Variants in CMYA5 observed in about 807,000 individuals in gnomAD.
The protein encoded by CMYA5 is cardiomyopathy-associated protein 5.
Under a neutral mutation model 318.9 loss-of-function variants are expected in CMYA5, and 246 were observed. The observed-to-expected ratio is 0.77, with a 90% CI of 0.70 to 0.86. The LOEUF (loss-of-function observed/expected upper bound fraction) is 0.86, where lower values mean the gene tolerates loss of function less well. Among genes scored for constraint, CMYA5 ranks in the 40% least tolerant of loss-of-function variants. The pLI is 0.00. For missense variants in CMYA5, 4,589 were observed against 4,678.2 expected (o/e 0.98, Z 0.56); for synonymous variants, 1,641 against 1,729.5 (o/e 0.95, Z 1.27).
intron 1 of CMYA5, among the ~76,000 whole-genome samples, chr5:79,722,676 C>CAAAA (rs1264491231): frequency 5.4e-5 from 4 of 73,554 alleles, no homozygotes; most frequent in East Asian, 3.9e-4. Flanking sequence ...GACTCTGTCT[C>CAAAA]AAAAAAAAAA....
rs371432340 is a variant in CMYA5 at position 79,799,478 on chromosome 5, C to A, written c.12072C>A (p.Asn4024Lys). The change falls in exon 13 of 13, where the codon AAC becomes AAA. Residue 4024 changes from asparagine (N) to lysine (K), a missense_variant. Around this residue, in one of 3 missense-constraint regions of CMYA5, gnomAD observed 2,431 missense variants for 2,495.1 expected, o/e 0.97. Coordinates refer to ENST00000446378, the MANE Select transcript of CMYA5 (RefSeq NM_153610.5). ...DYNNQRLIFI[N>K]AESEQLLFII... is the part of the protein sequence containing the mutation. ...ACAACCAGAGACTTATCTTCATCAACGCAGAGAGCGAGCAGTTGCTCTTCA... is the reference window on the plus strand; with the variant it reads ...ACAACCAGAGACTTATCTTCATCAAAGCAGAGAGCGAGCAGTTGCTCTTCA... The A allele has an allele frequency of 1.2e-6, 2 of 1,613,912 alleles. No homozygotes were observed. The highest frequency in any genetic ancestry group is 2.7e-5 in the African/African-American group (2 of 74,926).
intron 1 of CMYA5, among the ~76,000 whole-genome samples, chr5:79,722,555 T>C (rs2151081853): frequency 1.3e-5 from 2 of 151,818 alleles, no homozygotes; most frequent in Middle Eastern, 6.8e-3. Context: ...CGCATGCCTG[T>C]AATCCCAGCT....
intron 10 of CMYA5, 129 bp from the exon 11 acceptor site, chr5:79,790,841 T>C: frequency 1.6e-6 from 1 of 641,934 alleles, no homozygotes; most frequent in Non-Finnish European, 2.8e-6. Flanking sequence ...CAGCTGTGGA[T>C]CTGAAGACAC....
Position 79,731,682 on chromosome 5 carries a change from G to C in CMYA5, c.2917G>C (p.Asp973His). 2 of 1,613,916 alleles carry C rather than the reference G, an allele frequency of 1.2e-6. No homozygotes were observed. Among genetic ancestry groups the C allele is most frequent in the Non-Finnish European group, 8.5e-7 (1 of 1,179,864 alleles). Residue 973 changes from aspartate to histidine, a missense_variant, in exon 2 of 13, where the codon GAT becomes CAT. Physicochemically the swap from Asp to His is moderately conservative, Grantham distance 81 (BLOSUM62 -1). Coordinates refer to ENST00000446378, the MANE Select transcript of CMYA5 (RefSeq NM_153610.5). ...AGCAGAGAAAAGAGAATTTGAGTGC[G>C]ATTCTCCAATATGTTTAACATCACC... Reference protein sequence around the residue: ...QEAEKREFECDSPICLTSPSE... With the variant: ...QEAEKREFECHSPICLTSPSE...
At chr5:79,757,750 A>G (rs1325081367) in intron 6 of CMYA5, among the ~76,000 whole-genome samples, 1 of 152,234 alleles carries the variant, frequency 6.6e-6, no homozygotes. Flanking sequence ...AAGGATAAGC[A>G]AGTCAGTTGT....
chr5:79,774,495 T>G (rs944320106), intron 9 of CMYA5: 1 of 152,292 alleles, frequency 6.6e-6, no homozygotes, highest in Non-Finnish European at 1.5e-5. Context: ...GAGGGAAAAC[T>G]GAGAGAAATA....
chr5:79,741,037 G>T (rs1353880962), intron 2 of CMYA5, among the ~76,000 whole-genome samples: 1 of 151,840 alleles, frequency 6.6e-6, no homozygotes, highest in East Asian at 1.9e-4. Context: ...TGCCACACTG[G>T]GTTAATTTTA....
chr5:79,756,251 C>T (rs1828526147), intron 6 of CMYA5, among the ~76,000 whole-genome samples: 2 of 152,192 alleles, frequency 1.3e-5, no homozygotes, highest in African/African-American at 2.4e-5. Flanking sequence ...CTCTCACCAG[C>T]GGCCTCTGCC....
intron 1 of CMYA5, among the ~76,000 whole-genome samples, chr5:79,691,074 TC>T (rs1826962571): frequency 6.6e-6 from 1 of 152,200 alleles, no homozygotes; most frequent in African/African-American, 2.4e-5. Flanking sequence ...CCTAACTTTT[TC>T]CCCTATGGGG....
chr5:79,731,277 A>G lies in CMYA5; in HGVS notation c.2512A>G (p.Lys838Glu), dbSNP rs1827892128. The G allele has an allele frequency of 1.2e-6, 2 of 1,614,026 alleles. No individual in the cohort carries two copies. Among genetic ancestry groups the G allele is most frequent in the South Asian group, 2.2e-5 (2 of 91,076 alleles). Residue 838 changes from lysine to glutamate, a missense_variant, in exon 2 of 13, where the codon AAG becomes GAG. Around this residue, in one of 3 missense-constraint regions of CMYA5, gnomAD observed 2,132 missense variants for 2,131.3 expected, o/e 1.00. Coordinates refer to ENST00000446378, the MANE Select transcript of CMYA5 (RefSeq NM_153610.5). ...SEHTVLSVDGKEVIGPSSPDL... is the reference protein window; with the variant it reads ...SEHTVLSVDGEEVIGPSSPDL... Reference sequence around the variant, plus strand: ...GCACACAGTTCTGTCAGTAGACGGCAAGGAGGTCATTGGACCATCTTCCCC... The same window carrying G: ...GCACACAGTTCTGTCAGTAGACGGCGAGGAGGTCATTGGACCATCTTCCCC...
In CMYA5 at chr5:79,726,909, A is replaced by ATTTTTTTTTTTTTTT. The variant is rs34198193; in HGVS notation, c.150-1997_150-1983dup. On this transcript the variant is annotated intron_variant, in intron 1 of 12. Transcript: ENST00000446378. ...AGAGCTAGGATTGTTTAGGCCAGTG[A>ATTTTTTTTTTTTTTT]TTTTTTTTTTTTTTTTTTTTTTTGA... Among the ~76,000 whole-genome samples the ATTTTTTTTTTTTTTT allele has an allele frequency of 3.3e-4, 32 of 96,034 alleles. 4 individuals are homozygous for ATTTTTTTTTTTTTTT. The East Asian group carries it at 3.6e-3, about 11-fold the overall frequency. The allele number at this position is 96,034 out of a possible 152,430, so 63.0% of individuals were successfully genotyped here.
rs1445515272 is a variant in CMYA5, at chr5:79,730,129, A to G, written c.1364A>G (p.Gln455Arg). ...ASTQDGLDPD[Q>R]EQPDLTSIER... The stretch of plus-strand genomic sequence containing the variant: ...ACCCAGGATGGTTTGGACCCAGACC[A>G]AGAACAGCCGGACCTGACTTCAATA... The change falls in exon 2 of 13, where the codon CAA becomes CGA. Residue 455 changes from glutamine (Q) to arginine (R), a missense_variant. By Grantham distance (43) the Gln-to-Arg change is conservative. Transcript: ENST00000446378. 1 of 1,613,856 alleles carries G rather than the reference A, an allele frequency of 6.2e-7. No homozygotes were observed.
At chr5:79,746,075 C>G (rs759785841) in intron 4 of CMYA5, among the ~76,000 whole-genome samples, 7 of 152,198 alleles carry the variant, frequency 4.6e-5, no homozygotes, top group South Asian at 2.1e-4. Flanking sequence ...CACCTCTGTG[C>G]TCCCTGCAAT....
In CMYA5 at chr5:79,689,914, A is replaced by T. The variant is rs1170512618; in HGVS notation, c.7A>T (p.Ser3Cys). The T allele has an allele frequency of 8.3e-6, 7 of 840,166 alleles. No homozygotes were observed. The highest frequency in any genetic ancestry group is 1.2e-5 in the Non-Finnish European group (6 of 506,206). 52.0% of individuals were successfully genotyped at this position (840,166 alleles called of 1,614,324 possible). The change falls in exon 1 of 13, where the codon AGC becomes TGC. Residue 3 changes from serine (S) to cysteine (C), a missense_variant. Transcript: ENST00000446378. ...CCCAGGCCCGGGAGAGGCGATGGCG[A>T]GCCGCGATAGCAACCACGCTGGCGA... is the stretch of plus-strand genomic sequence containing the variant. MASRDSNHAGESF... is the reference protein window; with the variant it reads MACRDSNHAGESF...
chr5:79,696,082 T>G (rs140683702), intron 1 of CMYA5, among the ~76,000 whole-genome samples: 1 of 152,330 alleles, frequency 6.6e-6, no homozygotes, highest in African/African-American at 2.4e-5. Flanking sequence ...GAAGCAAGTT[T>G]AGTTGGAATA....
At position 79,729,953 on chromosome 5, in the gene CMYA5, A is replaced by G. The variant is rs757525075; in HGVS notation, c.1188A>G (p.Glu396=). 19 of 1,614,004 alleles carry G rather than the reference A, an allele frequency of 1.2e-5. No individual in the cohort carries two copies. The East Asian group carries it at 2.9e-4, about 25-fold the overall frequency. Reference sequence around the variant, plus strand: ...CTATGTTCCTGAGAACAACAAAGGAAGAATGTGAGCTTGCTTCACCAGGAA... The same window carrying G: ...CTATGTTCCTGAGAACAACAAAGGAGGAATGTGAGCTTGCTTCACCAGGAA... ...PATMFLRTTK[E]ECELASPGTA... The change falls in exon 2 of 13, where the codon GAA becomes GAG. Residue 396 remains glutamate, a synonymous_variant. Coordinates refer to ENST00000446378, the MANE Select transcript of CMYA5 (RefSeq NM_153610.5).
intron 5 of CMYA5, among the ~76,000 whole-genome samples, chr5:79,749,970 G>A (rs1417426536): frequency 6.6e-6 from 1 of 151,468 alleles, no homozygotes; most frequent in Non-Finnish European, 1.5e-5. Flanking sequence ...CCAGTAAATT[G>A]TATATTGCAG....
intron 4 of CMYA5, among the ~76,000 whole-genome samples, chr5:79,746,855 C>T (rs1472980969): frequency 3.3e-5 from 5 of 152,118 alleles, no homozygotes; most frequent in Non-Finnish European, 5.9e-5. Context: ...TGTCCTGACA[C>T]TGCCCATCCC....
chr5:79,775,490 A>G (rs1044942621), intron 9 of CMYA5, among the ~76,000 whole-genome samples: 6 of 152,180 alleles, frequency 3.9e-5, no homozygotes, highest in African/African-American at 1.4e-4. Context: ...ATGGAACACA[A>G]AATTTAAATC....
Sources: allele counts gnomAD v4.1 joint callset (sites outside exome capture counted in the v4.1 genomes callset), GRCh38; gene constraint gnomAD v4.1.1; regional missense constraint gnomAD v4.1.1; transcripts MANE v1.5; gene names NCBI Gene and HGNC (gene_info 2026-07-23, HGNC 2026-07-21).